NAALADL2: variants seen among roughly 807,000 people sequenced by gnomAD.
NAALADL2 encodes the protein inactive N-acetylated-alpha-linked acidic dipeptidase-like protein 2.
A neutral mutation model predicts 87.2 loss-of-function variants in NAALADL2; 76 were observed. The observed-to-expected ratio is 0.87, with a 90% CI of 0.72 to 1.05. The LOEUF (loss-of-function observed/expected upper bound fraction) is 1.05. NAALADL2 is among the 50% of genes least tolerant of loss of function. The pLI is 0.00. For synonymous variants in NAALADL2, 354 were observed against 331.0 expected (o/e 1.07, Z -0.75); for missense variants, 1,089 against 945.8 (o/e 1.15, Z -1.99).
chr3:174,681,144 C>T (rs1465711622), intron 2 of NAALADL2, among the ~76,000 whole-genome samples: 1 of 152,142 alleles, frequency 6.6e-6, no homozygotes, highest in Non-Finnish European at 1.5e-5. Context: ...AGCAATTACA[C>T]CAGCACCCAG....
At chr3:174,687,624 G>A in intron 2 of NAALADL2, among the ~76,000 whole-genome samples, 1 of 152,048 alleles carries the variant, frequency 6.6e-6, no homozygotes, top group East Asian at 1.9e-4. Flanking sequence ...AAAATAATTA[G>A]GAAGTGATGG....
At chr3:175,450,995 G>A (rs965171378) in intron 6 of NAALADL2, among the ~76,000 whole-genome samples, 2 of 152,078 alleles carry the variant, frequency 1.3e-5, no homozygotes, top group Non-Finnish European at 2.9e-5. Context: ...GATGAGTAAA[G>A]GGGAGAGAAA....
intron 1 of NAALADL2, among the ~76,000 whole-genome samples, chr3:174,534,201 C>T (rs1394765869): frequency 6.6e-6 from 1 of 152,010 alleles, no homozygotes; most frequent in Non-Finnish European, 1.5e-5. Context: ...GCTATGAAAC[C>T]ATTTAAATAA....
intron 4 of NAALADL2, among the ~76,000 whole-genome samples, chr3:175,286,116 T>C (rs1754940153): frequency 6.6e-6 from 1 of 152,216 alleles, no homozygotes; most frequent in Admixed American, 6.5e-5. Flanking sequence ...ACTTATCTGT[T>C]GACATTAGAA....
At chr3:174,570,470 A>G (rs886920137) in intron 2 of NAALADL2, among the ~76,000 whole-genome samples, 1 of 152,166 alleles carries the variant, frequency 6.6e-6, no homozygotes, top group African/African-American at 2.4e-5. Context: ...TAAAATCATA[A>G]AAGTTTTAAT....
chr3:174,986,912 A>G (rs1194127620), intron 1 of NAALADL2, among the ~76,000 whole-genome samples: 1 of 152,166 alleles, frequency 6.6e-6, no homozygotes, highest in African/African-American at 2.4e-5. Context: ...TGATTCATAC[A>G]TTTTGTGCTT....
chr3:175,267,396 T>A (rs1461245), intron 4 of NAALADL2, among the ~76,000 whole-genome samples: 31,418 of 151,836 alleles, frequency 0.21, 4,147 homozygotes, highest in South Asian at 0.47. Context: ...AAGTAATTTA[T>A]TTTTTTTACC....
chr3:175,365,976 C>T (rs964307798), intron 5 of NAALADL2, among the ~76,000 whole-genome samples: 7 of 137,580 alleles, frequency 5.1e-5, no homozygotes, highest in Admixed American at 4.5e-4. Context: ...CCCATTAACT[C>T]GTCATTTAGC....
At chr3:174,733,850 A>T (rs1278293742) in intron 2 of NAALADL2, among the ~76,000 whole-genome samples, 1 of 152,148 alleles carries the variant, frequency 6.6e-6, no homozygotes, top group African/African-American at 2.4e-5. Flanking sequence ...GTTAAGAGCA[A>T]TCATGATGAA....
chr3:175,725,307 T>A (rs1460473919), intron 11 of NAALADL2, among the ~76,000 whole-genome samples: 1 of 152,112 alleles, frequency 6.6e-6, no homozygotes, highest in Non-Finnish European at 1.5e-5. Flanking sequence ...AACATAAAAT[T>A]AATCTTTTAA....
chr3:175,025,864 C>T (rs906059083), intron 1 of NAALADL2, among the ~76,000 whole-genome samples: 1 of 152,098 alleles, frequency 6.6e-6, no homozygotes, highest in South Asian at 2.1e-4. Flanking sequence ...GGCTGGAGTG[C>T]AGTGGCGTGA....
chr3:175,174,769 A>G (rs918452106), intron 2 of NAALADL2, among the ~76,000 whole-genome samples: 4 of 143,312 alleles, frequency 2.8e-5, no homozygotes, highest in Non-Finnish European at 6.2e-5. Flanking sequence ...TATGCTATTC[A>G]TGTGTGTGTG....
intron 1 of NAALADL2, among the ~76,000 whole-genome samples, chr3:174,463,792 C>T (rs1185368567): frequency 1.3e-5 from 2 of 151,620 alleles, no homozygotes; most frequent in African/African-American, 2.4e-5. Context: ...AGTAGAGACG[C>T]GATTTCACCG....
rs140592585 is a variant in NAALADL2 at position 174,716,981 on chromosome 3, A to C, written c.-114-20660A>C. On this transcript the variant is annotated intron_variant, in intron 2 of 3. Transcript: ENST00000434257. ...CACAAGTAAAGAAAATAAGTGTAAA[A>C]TTTTAGAATTGTTTTTTTTCCAAAG... Among the ~76,000 whole-genome samples the C allele has an allele frequency of 6.0e-3, 912 of 152,280 alleles. 10 individuals are homozygous for C. Among genetic ancestry groups the C allele is most frequent in the African/African-American group, 0.02 (837 of 41,562 alleles).
intron 5 of NAALADL2, among the ~76,000 whole-genome samples, chr3:175,335,558 T>C (rs1282897389): frequency 6.6e-6 from 1 of 152,216 alleles, no homozygotes; most frequent in Non-Finnish European, 1.5e-5. Context: ...TGAGTGCTCC[T>C]AAAGTAAATA....
At chr3:174,926,414 C>A (rs1736043477) in intron 1 of NAALADL2, among the ~76,000 whole-genome samples, 1 of 151,966 alleles carries the variant, frequency 6.6e-6, no homozygotes, top group Admixed American at 6.6e-5. Context: ...TCAGATTCAC[C>A]AAAGTTGAAA....
At chr3:175,233,420 G>T (rs985616969) in intron 2 of NAALADL2, among the ~76,000 whole-genome samples, 3 of 151,868 alleles carry the variant, frequency 2.0e-5, no homozygotes, top group Non-Finnish European at 4.4e-5. Context: ...GTATTAGTGG[G>T]TTTTTTTGTT....
rs1276969906 is a variant in NAALADL2, at chr3:175,804,758, GATTA to G, written c.*1559_*1562del. On this transcript the variant is annotated 3_prime_UTR_variant, in exon 14 of 14. Coordinates refer to ENST00000454872, the MANE Select transcript of NAALADL2 (RefSeq NM_207015.3). The stretch of plus-strand genomic sequence containing the variant: ...TGAGGGGAAATAATTAATCAATACT[GATTA>G]ATTGATTTATAAGGTTCAACACTGT... The G allele has an allele frequency of 6.6e-6, 1 of 151,694 alleles. No individual in the cohort carries two copies. Among genetic ancestry groups the G allele is most frequent in the Admixed American group, 6.6e-5 (1 of 15,192 alleles). 9.4% of individuals were successfully genotyped at this position (151,694 alleles called of 1,614,324 possible). A position where few individuals can be genotyped will look rare whatever the true frequency, so the allele number is the denominator to read the frequency against.
At chr3:175,226,928 CAT>C (rs1744239919) in intron 2 of NAALADL2, among the ~76,000 whole-genome samples, 2 of 152,004 alleles carry the variant, frequency 1.3e-5, no homozygotes, top group South Asian at 4.1e-4. Flanking sequence ...ATTTATCACA[CAT>C]ATATAGTACA....
Sources: gnomAD v4.1 joint callset for allele counts (sites outside exome capture counted in the v4.1 genomes callset) on GRCh38, gnomAD v4.1.1 for gene constraint, MANE v1.5 for transcripts, NCBI Gene and HGNC (gene_info 2026-07-23, HGNC 2026-07-21) for gene names.